STRN: variants seen among roughly 807,000 people sequenced by gnomAD.
STRN encodes protein phosphatase 2 regulatory subunit B'''alpha.
A neutral mutation model predicts 96.3 loss-of-function variants in STRN; 53 were observed. The observed-to-expected ratio is 0.55, with a 90% CI of 0.44 to 0.69. STRN has a LOEUF of 0.69. Among genes scored for constraint, STRN ranks in the 30% least tolerant of loss-of-function variants. STRN has a pLI of 0.00. For synonymous variants in STRN, 428 were observed against 355.9 expected (o/e 1.20, Z -2.28); for missense variants, 987 against 963.9 (o/e 1.02, Z -0.32).
At chr2:36,954,739 C>T (rs1317090210) in intron 1 of STRN, among the ~76,000 whole-genome samples, 1 of 151,236 alleles carries the variant, frequency 6.6e-6, no homozygotes, top group Non-Finnish European at 1.5e-5. Context: ...TGGGTTCAAG[C>T]GATTCTCCCT....
chr2:36,961,333 T>C (rs529601550), intron 1 of STRN, among the ~76,000 whole-genome samples: 111 of 151,880 alleles, frequency 7.3e-4, no homozygotes, highest in African/African-American at 2.5e-3. Context: ...AGGCTAGTCT[T>C]GAACTCCTAG....
chr2:36,855,419 A>C, intron 14 of STRN, 67 bp from the exon 15 acceptor site: 1 of 1,539,954 alleles, frequency 6.5e-7, no homozygotes, highest in Non-Finnish European at 8.8e-7. Flanking sequence ...CTTAAAATAG[A>C]GCAAAACAAA....
chr2:36,904,005 T>C (rs114177337), intron 4 of STRN, among the ~76,000 whole-genome samples: 240 of 152,314 alleles, frequency 1.6e-3, no homozygotes, highest in African/African-American at 5.5e-3. Flanking sequence ...TCCTCATTCA[T>C]TGATAAAATG....
intron 3 of STRN, among the ~76,000 whole-genome samples, chr2:36,915,315 A>G (rs1397306426): frequency 6.8e-6 from 1 of 146,426 alleles, no homozygotes; most frequent in African/African-American, 2.5e-5. Flanking sequence ...AATGATATAA[A>G]TGAACATTAA....
rs781432035 is a variant in STRN at position 36,843,186 on chromosome 2, G to A, written c.*6270C>T. 6.6e-6 allele frequency among the ~76,000 whole-genome samples: 1 copy of A among 152,098 alleles called. No homozygotes were observed. Among genetic ancestry groups the A allele is most frequent in the Non-Finnish European group, 1.5e-5 (1 of 68,012 alleles). ...CTGAAAATGTGTGTACATACCAAAGGATATAATACTCATTAGTATACCAGC... is the reference window on the plus strand; with the variant it reads ...CTGAAAATGTGTGTACATACCAAAGAATATAATACTCATTAGTATACCAGC... On this transcript the variant is annotated 3_prime_UTR_variant, in exon 18 of 18. Transcript: ENST00000263918.
At chr2:36,879,966 T>TA (rs552826713) in intron 9 of STRN, among the ~76,000 whole-genome samples, 2,596 of 141,008 alleles carry the variant, frequency 0.018, 35 homozygotes, top group Admixed American at 0.023. Context: ...CCCTATATCT[T>TA]AAAAAAAAAA....
chr2:36,933,893 C>G (rs1391656109), intron 1 of STRN, among the ~76,000 whole-genome samples: 1 of 152,020 alleles, frequency 6.6e-6, no homozygotes, highest in Non-Finnish European at 1.5e-5. Context: ...GTGGATCACC[C>G]GAGGTCAGGA....
intron 1 of STRN, among the ~76,000 whole-genome samples, chr2:36,936,438 T>C (rs1376591059): frequency 2.0e-5 from 3 of 152,200 alleles, no homozygotes; most frequent in East Asian, 1.9e-4. Context: ...TTCATGCTTA[T>C]GGAACACGAT....
chr2:36,840,116 CGT>C lies in STRN; in HGVS notation c.*9338_*9339del, dbSNP rs768291164. On this transcript the variant is annotated 3_prime_UTR_variant, in exon 18 of 18. Coordinates refer to ENST00000263918, the MANE Select transcript of STRN (RefSeq NM_003162.4). ...CCTGACAAGATTCCACTGGGAGGTTCGTCTTTCTCCTGGACAACAGCAGTCAG... is the reference window on the plus strand; with the variant it reads ...CCTGACAAGATTCCACTGGGAGGTTCCTTTCTCCTGGACAACAGCAGTCAG... The C allele has an allele frequency of 9.8e-5, 15 of 152,374 alleles. No homozygotes were observed. The highest frequency in any genetic ancestry group is 2.1e-4 in the South Asian group (1 of 4,830). The allele number at this position is 152,374 out of a possible 1,614,324, so 9.4% of individuals were successfully genotyped here. A position where few individuals can be genotyped will look rare whatever the true frequency, so the allele number is the denominator to read the frequency against.
intron 1 of STRN, among the ~76,000 whole-genome samples, chr2:36,930,558 G>A (rs1018526404): frequency 2.0e-5 from 3 of 152,068 alleles, no homozygotes; most frequent in African/African-American, 7.2e-5. Flanking sequence ...AGTAGGTCTG[G>A]AGTGGGGCCC....
Position 36,855,001 on chromosome 2 carries a change from G to A in STRN, c.1978+211C>T, listed in dbSNP as rs140798384. On this transcript the variant is annotated intron_variant, in intron 15 of 17. Coordinates refer to ENST00000263918, the MANE Select transcript of STRN (RefSeq NM_003162.4). ...AAACTTGACCCATAACAGCTCAAATGCTATTTCAAACAGTATAGTTATAAA... is the reference window on the plus strand; with the variant it reads ...AAACTTGACCCATAACAGCTCAAATACTATTTCAAACAGTATAGTTATAAA... Among the ~76,000 whole-genome samples, 20 of 152,218 alleles carry A rather than the reference G, an allele frequency of 1.3e-4. No homozygotes were observed. In the East Asian group the frequency reaches 3.7e-3, roughly 28 times the overall value.
At chr2:36,928,947 C>T (rs1253482006) in intron 1 of STRN, among the ~76,000 whole-genome samples, 2 of 68,062 alleles carry the variant, frequency 2.9e-5, no homozygotes, top group South Asian at 9.5e-4. Context: ...GACTCCGTCT[C>T]AAAAAAAAAA....
chr2:36,905,159 G>C (rs1440891342), intron 4 of STRN, among the ~76,000 whole-genome samples: 2 of 152,028 alleles, frequency 1.3e-5, no homozygotes, highest in Admixed American at 1.3e-4. Flanking sequence ...AGTAGAGATG[G>C]AGTTTCACCA....
intron 1 of STRN, among the ~76,000 whole-genome samples, chr2:36,962,531 CT>C (rs57756016): frequency 1.1e-4 from 17 of 148,186 alleles, no homozygotes; most frequent in Middle Eastern, 3.4e-3. Flanking sequence ...CTTCACTATT[CT>C]TTTTTTTTTT....
intron 2 of STRN, among the ~76,000 whole-genome samples, chr2:36,924,462 G>C (rs767565964): frequency 1.3e-5 from 2 of 150,590 alleles, no homozygotes; most frequent in Non-Finnish European, 3.0e-5. Flanking sequence ...GACAGGAAAA[G>C]GAAACACTAT....
At position 36,841,483 on chromosome 2, in the gene STRN, T is replaced by G. The variant is rs554456886; in HGVS notation, c.*7973A>C. ...TTTCTAAAAATCACACTGAGTGATA[T>G]TATTCTATCAAGAGGATATTCTGAA... On this transcript the variant is annotated 3_prime_UTR_variant, in exon 18 of 18. Transcript: ENST00000263918. 6.6e-6 allele frequency: 1 copy of G among 152,196 alleles called. No individual in the cohort carries two copies. The highest frequency in any genetic ancestry group is 2.4e-5 in the African/African-American group (1 of 41,450). The allele number at this position is 152,196 out of a possible 1,614,324, so 9.4% of individuals were successfully genotyped here.
chr2:36,908,831 G>T (rs1217575278), intron 3 of STRN, among the ~76,000 whole-genome samples: 1 of 151,990 alleles, frequency 6.6e-6, no homozygotes, highest in East Asian at 1.9e-4. Context: ...AAAGTTAGTT[G>T]GAGGCTGGGT....
chr2:36,901,035 G>GA (rs1222439319), intron 5 of STRN, among the ~76,000 whole-genome samples: 1 of 151,358 alleles, frequency 6.6e-6, no homozygotes, highest in Admixed American at 6.6e-5. Context: ...AACTACTATG[G>GA]ACAAAATTTT....
intron 1 of STRN, among the ~76,000 whole-genome samples, chr2:36,953,067 A>G (rs941725293): frequency 2.0e-5 from 3 of 152,210 alleles, no homozygotes; most frequent in Non-Finnish European, 2.9e-5. Context: ...ATTGGATCTG[A>G]TTTCTCTCAC....
Sources: gnomAD v4.1 joint callset for allele counts (sites outside exome capture counted in the v4.1 genomes callset) on GRCh38, gnomAD v4.1.1 for gene constraint, MANE v1.5 for transcripts, NCBI Gene and HGNC (gene_info 2026-07-23, HGNC 2026-07-21) for gene names.